Variants in DCAKD observed in about 807,000 individuals in gnomAD.
DCAKD encodes dephospho-CoA kinase domain-containing protein.
DCAKD carries 15 observed loss-of-function variants against 18.7 expected under a neutral mutation model. The ratio of observed to expected loss-of-function variants is 0.80; its 90% CI spans 0.54 to 1.24. DCAKD has a LOEUF of 1.24. Ranked by LOEUF, DCAKD falls within the 50% of genes most tolerant of loss-of-function variation. DCAKD has a pLI of 0.00. For missense variants in DCAKD, 301 were observed against 322.0 expected (o/e 0.93, Z 0.50); for synonymous variants, 130 against 133.0 (o/e 0.98, Z 0.16).
chr17:45,058,264 G>A lies in DCAKD; in HGVS notation c.-118+2624C>T, dbSNP rs562343516. ...CAGGAGGCAGAGGTTGCAGCAAGCC[G>A]AGATTGCGCCATTGCACTCCAGCGT... On this transcript the variant is annotated intron_variant, in intron 1 of 4. Transcript: ENST00000310604. Among the ~76,000 whole-genome samples, 6 of 152,246 alleles carry A rather than the reference G, an allele frequency of 3.9e-5. No homozygotes were observed. In the East Asian group the frequency reaches 1.2e-3, roughly 29 times the overall value.
At chr17:45,040,158 C>T (rs1380526769) in intron 1 of DCAKD, among the ~76,000 whole-genome samples, 4 of 148,104 alleles carry the variant, frequency 2.7e-5, no homozygotes, top group South Asian at 4.3e-4. Context: ...GAGGCCAAGG[C>T]GGGAGGATCA....
At chr17:45,024,879 C>A (rs971117884) in intron 4 of DCAKD, among the ~76,000 whole-genome samples, 155 bp from the exon 5 acceptor site, 4 of 152,146 alleles carry the variant, frequency 2.6e-5, no homozygotes, top group African/African-American at 7.2e-5. Flanking sequence ...TAGGGTCCCA[C>A]AGCCAGGGAG....
At chr17:45,054,605 G>T (rs1460363065), upstream of DCAKD, among the ~76,000 whole-genome samples, 1 of 152,174 alleles carries the variant, frequency 6.6e-6, no homozygotes, top group Non-Finnish European at 1.5e-5. Flanking sequence ...TTCTTAGGCA[G>T]TATCTCTCCT....
chr17:45,059,902 G>A (rs1360397685), intron 1 of DCAKD, among the ~76,000 whole-genome samples: 4 of 152,130 alleles, frequency 2.6e-5, no homozygotes, highest in South Asian at 4.1e-4. Flanking sequence ...TCAGGAGTTC[G>A]AGACCAGCCT....
At chr17:45,045,133 G>T (rs1488601343) in intron 1 of DCAKD, among the ~76,000 whole-genome samples, 1 of 152,000 alleles carries the variant, frequency 6.6e-6, no homozygotes, top group African/African-American at 2.4e-5. Context: ...TAGGTATCTA[G>T]GTGCCTGGGA....
At chr17:45,055,672 C>T (rs2053771793), upstream of DCAKD, among the ~76,000 whole-genome samples, 1 of 152,166 alleles carries the variant, frequency 6.6e-6, no homozygotes, top group Non-Finnish European at 1.5e-5. Flanking sequence ...TCAGCTAAGC[C>T]ACCATGTCCC....
intron 1 of DCAKD, among the ~76,000 whole-genome samples, chr17:45,057,135 C>T (rs1196863474): frequency 6.6e-6 from 1 of 151,924 alleles, no homozygotes; most frequent in Non-Finnish European, 1.5e-5. Flanking sequence ...TGGCATGATC[C>T]TGGGTTCCAG....
At position 45,030,193 on chromosome 17, in the gene DCAKD, G is replaced by A; in HGVS notation, c.317-14C>T. ...CGTAGCGGTATCCTGGGGAGAGGTT[G>A]GAAATCCCCCAAGTTCAATTCTGCA... On this transcript the variant is annotated splice_polypyrimidine_tract_variant and intron_variant, in intron 3 of 4. Coordinates refer to ENST00000651974, the MANE Select transcript of DCAKD (RefSeq NM_001288655.2). 1 of 1,611,764 alleles carries A rather than the reference G, an allele frequency of 6.2e-7. No individual in the cohort carries two copies. The highest frequency in any genetic ancestry group is 8.5e-7 in the Non-Finnish European group (1 of 1,177,898).
At chr17:45,025,668 C>A (rs1049883942) in intron 4 of DCAKD, among the ~76,000 whole-genome samples, 7 of 150,920 alleles carry the variant, frequency 4.6e-5, no homozygotes, top group African/African-American at 1.7e-4. Context: ...CATTTGGGGT[C>A]TTTCTGCCTT....
At chr17:45,057,418 C>G (rs1173471682) in intron 1 of DCAKD, among the ~76,000 whole-genome samples, 1 of 151,540 alleles carries the variant, frequency 6.6e-6, no homozygotes, top group Non-Finnish European at 1.5e-5. Flanking sequence ...GTGGAAAGCT[C>G]TCGGCTGGGC....
intron 1 of DCAKD, among the ~76,000 whole-genome samples, chr17:45,045,665 G>A (rs1209004509): frequency 6.6e-6 from 1 of 151,220 alleles, no homozygotes; most frequent in African/African-American, 2.4e-5. Context: ...CCGGGAGGGG[G>A]AGGTTGCAGT....
rs1198063274 is a variant in DCAKD, at chr17:45,024,546, CAGTGTGCA to C, written c.575_582del (p.Leu192Ter). On this transcript the variant is annotated frameshift_variant, in exon 5 of 5. Transcript: ENST00000651974. LOFTEE classifies it high-confidence loss of function. ...AGGTACTCCAGGGAGCGCTCCAGCT[CAGTGTGCA>C]AGAGGATGACCTGGCGTTTGGTGAC... The C allele has an allele frequency of 6.2e-7, 1 of 1,614,056 alleles. No individual in the cohort carries two copies. The highest frequency in any genetic ancestry group is 1.3e-5 in the African/African-American group (1 of 74,934).
chr17:45,043,992 C>A (rs1036036148), intron 1 of DCAKD, among the ~76,000 whole-genome samples: 3 of 152,118 alleles, frequency 2.0e-5, no homozygotes, highest in African/African-American at 7.2e-5. Flanking sequence ...AGCCTCTGAG[C>A]CATTTCCTGC....
At chr17:45,031,475 T>C in intron 3 of DCAKD, 1 of 961,596 alleles carries the variant, frequency 1.0e-6, no homozygotes, top group Non-Finnish European at 1.2e-6. Flanking sequence ...AAAGATGAAA[T>C]GAGCCTTGAA....
intron 3 of DCAKD, among the ~76,000 whole-genome samples, chr17:45,033,288 A>G (rs1567833884): frequency 6.6e-6 from 1 of 151,770 alleles, no homozygotes; most frequent in Non-Finnish European, 1.5e-5. Flanking sequence ...GATTTCAAAT[A>G]CTCCCCTTCC....
At chr17:45,037,867 C>T (rs969515319) in intron 1 of DCAKD, among the ~76,000 whole-genome samples, 2 of 139,026 alleles carry the variant, frequency 1.4e-5, no homozygotes, top group South Asian at 2.3e-4. Flanking sequence ...CCCGGGTTCA[C>T]GCCATTCTCC....
At position 45,030,183 on chromosome 17, in the gene DCAKD, G is replaced by C. The variant is rs1210827541; in HGVS notation, c.317-4C>G. ...TCCAGAATCACGTAGCGGTATCCTG[G>C]GGAGAGGTTGGAAATCCCCCAAGTT... On this transcript the variant is annotated splice_region_variant and splice_polypyrimidine_tract_variant and intron_variant, in intron 3 of 4. Transcript: ENST00000651974. 1 of 1,613,808 alleles carries C rather than the reference G, an allele frequency of 6.2e-7. No homozygotes were observed. Among genetic ancestry groups the C allele is most frequent in the Non-Finnish European group, 8.5e-7 (1 of 1,179,742 alleles).
At chr17:45,025,298 C>A (rs944128674) in intron 4 of DCAKD, among the ~76,000 whole-genome samples, 1 of 152,118 alleles carries the variant, frequency 6.6e-6, no homozygotes, top group Non-Finnish European at 1.5e-5. Flanking sequence ...AAGGATTGTG[C>A]TAAGATGGTA....
intron 1 of DCAKD, among the ~76,000 whole-genome samples, chr17:45,037,936 T>C (rs1304760335): frequency 2.0e-5 from 3 of 151,002 alleles, no homozygotes; most frequent in Non-Finnish European, 4.4e-5. Context: ...CTGGCTAATT[T>C]TTTTGTATTT....
Sources: allele counts gnomAD v4.1 joint callset (sites outside exome capture counted in the v4.1 genomes callset), GRCh38; gene constraint gnomAD v4.1.1; transcripts MANE v1.5; gene names NCBI Gene and HGNC (gene_info 2026-07-23, HGNC 2026-07-21).